Variants in CSMD1 observed in about 807,000 individuals in gnomAD.
CSMD1 encodes the protein CUB and Sushi multiple domains 1.
CSMD1 carries 213 observed loss-of-function variants against 417.5 expected under a neutral mutation model. That is an observed-to-expected ratio of 0.51 (90% CI 0.46 to 0.57). The LOEUF is 0.57. Ranked by LOEUF, CSMD1 falls within the 20% of genes least tolerant of loss-of-function variation. The probability of loss-of-function intolerance (pLI) is 0.00; values close to 1 mark genes in which losing one functional copy is unlikely to be tolerated. For missense variants in CSMD1, 6,923 were observed against 4,529.7 expected (o/e 1.53, Z -15.17); for synonymous variants, 2,862 against 1,736.8 (o/e 1.65, Z -16.11).
intron 1 of CSMD1, among the ~76,000 whole-genome samples, chr8:4,832,358 G>C (rs906973583): frequency 1.3e-5 from 2 of 152,186 alleles, no homozygotes; most frequent in Admixed American, 6.5e-5. Flanking sequence ...GTATGCTACA[G>C]TGGCAATGAA....
At chr8:4,313,581 G>C (rs552200435) in intron 3 of CSMD1, among the ~76,000 whole-genome samples, 3 of 151,166 alleles carry the variant, frequency 2.0e-5, no homozygotes, top group South Asian at 4.2e-4. Context: ...GAAGAATGTT[G>C]GAATTAACTG....
chr8:4,308,064 T>A (rs1798346633), intron 3 of CSMD1, among the ~76,000 whole-genome samples: 1 of 152,160 alleles, frequency 6.6e-6, no homozygotes, highest in Non-Finnish European at 1.5e-5. Flanking sequence ...TCAGCCTCAG[T>A]TACACACTTT....
chr8:4,635,332 G>A (rs564846834), intron 2 of CSMD1, among the ~76,000 whole-genome samples: 3 of 151,888 alleles, frequency 2.0e-5, no homozygotes, highest in African/African-American at 2.4e-5. Context: ...TAATATTTCC[G>A]CTGTCGATCC....
At chr8:3,952,899 C>A (rs541700237) in intron 5 of CSMD1, among the ~76,000 whole-genome samples, 1 of 152,008 alleles carries the variant, frequency 6.6e-6, no homozygotes, top group Non-Finnish European at 1.5e-5. Context: ...GGCAACTCAG[C>A]GAAAGCTGTA....
intron 1 of CSMD1, among the ~76,000 whole-genome samples, chr8:4,802,083 A>G (rs534001857): frequency 1.3e-4 from 20 of 152,344 alleles, no homozygotes; most frequent in Admixed American, 1.3e-3. Context: ...TTGATGACAT[A>G]TAGAAAATAT....
At chr8:3,262,546 AAAAG>A (rs1313154145) in intron 26 of CSMD1, among the ~76,000 whole-genome samples, 3 of 152,086 alleles carry the variant, frequency 2.0e-5, no homozygotes, top group Middle Eastern at 3.4e-3. Context: ...AATGAAAAAA[AAAAG>A]AAAAAGAAAA....
intron 1 of CSMD1, among the ~76,000 whole-genome samples, chr8:4,638,321 A>G (rs1432182231): frequency 6.6e-6 from 1 of 152,198 alleles, no homozygotes; most frequent in Non-Finnish European, 1.5e-5. Context: ...TGTGGTAATA[A>G]GAATAGTTAG....
At chr8:3,706,582 G>A (rs184752544) in intron 7 of CSMD1, among the ~76,000 whole-genome samples, 2 of 152,284 alleles carry the variant, frequency 1.3e-5, no homozygotes, top group Non-Finnish European at 2.9e-5. Context: ...GATGAGGACA[G>A]AAGAGATATT....
intron 37 of CSMD1, among the ~76,000 whole-genome samples, chr8:3,178,209 A>G (rs1180645012): frequency 2.0e-5 from 3 of 152,064 alleles, no homozygotes; most frequent in Admixed American, 2.0e-4. Context: ...TTCAAATATA[A>G]GTGTTTGGTT....
chr8:4,884,924 C>T (rs1044717885), intron 1 of CSMD1, among the ~76,000 whole-genome samples: 1 of 152,084 alleles, frequency 6.6e-6, no homozygotes, highest in African/African-American at 2.4e-5. Flanking sequence ...TGCATTGAAG[C>T]TTCAGCTTAA....
At chr8:4,683,563 T>C (rs895562689) in intron 1 of CSMD1, among the ~76,000 whole-genome samples, 3 of 152,162 alleles carry the variant, frequency 2.0e-5, no homozygotes, top group African/African-American at 7.2e-5. Flanking sequence ...GCACGTTCTA[T>C]TGTGAATCAC....
At chr8:4,892,995 G>A (rs1009759515) in intron 1 of CSMD1, among the ~76,000 whole-genome samples, 2 of 152,112 alleles carry the variant, frequency 1.3e-5, no homozygotes, top group African/African-American at 2.4e-5. Context: ...CTTGCACGGT[G>A]TGATACTGCA....
intron 3 of CSMD1, among the ~76,000 whole-genome samples, chr8:4,416,703 C>G (rs569752044): frequency 3.3e-5 from 5 of 152,104 alleles, no homozygotes; most frequent in Middle Eastern, 6.8e-3. Flanking sequence ...TCACCCAGTC[C>G]GTATATTTTC....
At chr8:4,443,016 T>C (rs540551323) in intron 2 of CSMD1, among the ~76,000 whole-genome samples, 1 of 152,290 alleles carries the variant, frequency 6.6e-6, no homozygotes, top group Admixed American at 6.5e-5. Flanking sequence ...AAAAACACTG[T>C]CTACTTTAAA....
intron 3 of CSMD1, among the ~76,000 whole-genome samples, chr8:4,192,974 G>C (rs1328441316): frequency 6.6e-6 from 1 of 152,140 alleles, no homozygotes; most frequent in African/African-American, 2.4e-5. Flanking sequence ...TAATATTTGA[G>C]TGTTTTGCAA....
At chr8:4,346,120 C>A (rs1288033049) in intron 3 of CSMD1, among the ~76,000 whole-genome samples, 2 of 152,176 alleles carry the variant, frequency 1.3e-5, no homozygotes, top group Admixed American at 1.3e-4. Flanking sequence ...TTAGAAAGGA[C>A]CTGGAGGTTT....
chr8:3,730,894 G>A (rs1158186521), intron 6 of CSMD1, among the ~76,000 whole-genome samples: 1 of 152,102 alleles, frequency 6.6e-6, no homozygotes, highest in Non-Finnish European at 1.5e-5. Context: ...ACTATAATAC[G>A]TAGACCAATT....
At chr8:4,240,828 A>G (rs1802355762) in intron 3 of CSMD1, among the ~76,000 whole-genome samples, 1 of 152,170 alleles carries the variant, frequency 6.6e-6, no homozygotes, top group Non-Finnish European at 1.5e-5. Context: ...TTTGGTGTCT[A>G]TGTGAGGGCG....
chr8:3,280,758 G>A (rs1256488734), intron 26 of CSMD1, among the ~76,000 whole-genome samples: 1 of 146,374 alleles, frequency 6.8e-6, no homozygotes, highest in Non-Finnish European at 1.5e-5. Flanking sequence ...CTTTCATGGT[G>A]TCTTCATGCT....
Sources: allele counts gnomAD v4.1 joint callset (sites outside exome capture counted in the v4.1 genomes callset), GRCh38; gene constraint gnomAD v4.1.1; transcripts MANE v1.5; gene names NCBI Gene and HGNC (gene_info 2026-07-23, HGNC 2026-07-21).